The following MTFR1 variants were observed in gnomAD, a reference collection of about 807,000 sequenced individuals.
The protein encoded by MTFR1 is chondrocyte protein with a poly-proline region.
In MTFR1, 28 loss-of-function variants were observed where a neutral mutation model predicts 38.8. That is an observed-to-expected ratio of 0.72 (90% confidence interval 0.53 to 0.99). The LOEUF is 0.99. Ranked by LOEUF, MTFR1 falls within the 50% of genes least tolerant of loss-of-function variation. The pLI, the probability that MTFR1 is intolerant of heterozygous loss-of-function variation, is 0.00. For missense variants in MTFR1, 358 were observed against 395.5 expected, an observed-to-expected ratio of 0.91 and a Z score of 0.81; for synonymous variants, 145 against 137.0, an observed-to-expected ratio of 1.06 and a Z score of -0.41.
chr8:65,745,245 G>A (rs773784541), intron 3 of MTFR1, among the ~76,000 whole-genome samples: 4 of 152,120 alleles, frequency 2.6e-5, no homozygotes, highest in Admixed American at 6.5e-5. Flanking sequence ...ACCCAGTCTC[G>A]GGTATGTCTT....
At chr8:65,769,772 C>T (rs765885908) in intron 3 of MTFR1, among the ~76,000 whole-genome samples, 2 of 151,974 alleles carry the variant, frequency 1.3e-5, no homozygotes, top group African/African-American at 2.4e-5. Context: ...AGTGATTGCC[C>T]GTAATCCTTG....
intron 3 of MTFR1, among the ~76,000 whole-genome samples, chr8:65,770,442 A>C (rs1181228841): frequency 6.6e-6 from 1 of 152,210 alleles, no homozygotes; most frequent in Non-Finnish European, 1.5e-5. Flanking sequence ...AGATTTCGTG[A>C]GACTTATTCA....
At chr8:65,665,713 T>G (rs1248015565) in intron 1 of MTFR1, among the ~76,000 whole-genome samples, 3 of 152,226 alleles carry the variant, frequency 2.0e-5, no homozygotes, top group Non-Finnish European at 2.9e-5. Flanking sequence ...GACTCTTAAC[T>G]CCTGAGCTCA....
At chr8:65,763,837 C>T (rs977069621) in intron 3 of MTFR1, among the ~76,000 whole-genome samples, 78 of 152,278 alleles carry the variant, frequency 5.1e-4, no homozygotes, top group African/African-American at 1.9e-3. Context: ...CTTGCCAAAG[C>T]ACAAGTAAAA....
chr8:65,758,587 A>C (rs1040832311), intron 3 of MTFR1, among the ~76,000 whole-genome samples: 1 of 152,246 alleles, frequency 6.6e-6, no homozygotes. Flanking sequence ...GACGGTGAGT[A>C]AGCCAGCCCT....
chr8:65,724,240 A>G, intron 3 of MTFR1: 2 of 1,523,558 alleles, frequency 1.3e-6, no homozygotes, highest in South Asian at 1.1e-5. Flanking sequence ...ATTATCACTC[A>G]ATACTGTAAC....
chr8:65,691,121 C>A (rs1805263365), intron 3 of MTFR1, among the ~76,000 whole-genome samples: 1 of 152,152 alleles, frequency 6.6e-6, no homozygotes. Flanking sequence ...GTACAAAAAT[C>A]TTCCCTTTGA....
chr8:65,702,297 C>CTTTTTTTTT (rs530863447), intron 4 of MTFR1, among the ~76,000 whole-genome samples: 27 of 110,266 alleles, frequency 2.4e-4, no homozygotes, highest in Non-Finnish European at 3.5e-4. Context: ...TTCTTTCTTT[C>CTTTTTTTTT]TTTTTTTTTT....
rs1440319933 is a variant in MTFR1, at chr8:65,708,960, TTTTG to T, written c.934-8_934-5del. ...TTGAACCAATATCTTTATTTATACTTTTTGTTTGTTTCTAGTTTGGGCCACACAT... is the reference window on the plus strand; with the variant it reads ...TTGAACCAATATCTTTATTTATACTTTTTGTTTCTAGTTTGGGCCACACAT... On this transcript the variant is annotated splice_polypyrimidine_tract_variant and intron_variant, in intron 7 of 7. Coordinates refer to ENST00000262146, the MANE Select transcript of MTFR1 (RefSeq NM_014637.4). The T allele has an allele frequency of 1.2e-6, 2 of 1,612,608 alleles. No individual in the cohort carries two copies. Among genetic ancestry groups the T allele is most frequent in the South Asian group, 2.2e-5 (2 of 91,048 alleles).
intron 3 of MTFR1, among the ~76,000 whole-genome samples, chr8:65,765,077 T>C (rs531669403): frequency 1.4e-3 from 206 of 152,092 alleles, no homozygotes; most frequent in Non-Finnish European, 2.4e-3. Context: ...AATAAAAAGA[T>C]GAATAAAACT....
At chr8:65,752,504 T>A (rs1585872211) in intron 3 of MTFR1, among the ~76,000 whole-genome samples, 1 of 152,212 alleles carries the variant, frequency 6.6e-6, no homozygotes, top group East Asian at 1.9e-4. Flanking sequence ...GCATTGAAAC[T>A]TGCAAAATCT....
intron 1 of MTFR1, among the ~76,000 whole-genome samples, chr8:65,653,436 C>T (rs1025053867): frequency 7.2e-5 from 11 of 152,084 alleles, no homozygotes; most frequent in African/African-American, 2.2e-4. Flanking sequence ...CGCTTGACCC[C>T]GGGAGGTGGA....
intron 4 of MTFR1, among the ~76,000 whole-genome samples, chr8:65,699,489 C>T (rs777355923): frequency 7.9e-5 from 12 of 152,208 alleles, no homozygotes; most frequent in African/African-American, 1.9e-4. Flanking sequence ...TCTTTGCAAC[C>T]GCACCAGCAT....
chr8:65,754,897 G>A (rs1452669806), intron 3 of MTFR1, among the ~76,000 whole-genome samples: 11 of 150,134 alleles, frequency 7.3e-5, no homozygotes, highest in South Asian at 4.2e-4. Flanking sequence ...CCCGGGAGGC[G>A]GAGGTTGCAG....
At chr8:65,716,950 CTGAGA>C (rs961798564) in intron 2 of MTFR1, among the ~76,000 whole-genome samples, 1 of 152,098 alleles carries the variant, frequency 6.6e-6, no homozygotes, top group African/African-American at 2.4e-5. Context: ...TATTGGGTGC[CTGAGA>C]TATGACTAGT....
intron 1 of MTFR1, among the ~76,000 whole-genome samples, chr8:65,660,622 C>T (rs912472814): frequency 4.6e-5 from 7 of 152,300 alleles, no homozygotes; most frequent in Non-Finnish European, 7.4e-5. Context: ...AGCTTGCACA[C>T]GGCAGACTGT....
At chr8:65,693,017 A>C (rs891549209) in intron 3 of MTFR1, among the ~76,000 whole-genome samples, 10 of 151,526 alleles carry the variant, frequency 6.6e-5, no homozygotes, top group Admixed American at 4.0e-4. Flanking sequence ...CCCCCCGCCT[A>C]CACATACCTT....
intron 3 of MTFR1, among the ~76,000 whole-genome samples, chr8:65,755,321 C>T (rs756750886): frequency 2.0e-5 from 3 of 152,046 alleles, no homozygotes; most frequent in Non-Finnish European, 4.4e-5. Context: ...ATGCCCGGCC[C>T]ATTATTGCCT....
At chr8:65,652,940 G>A (rs1809160447) in intron 1 of MTFR1, among the ~76,000 whole-genome samples, 1 of 152,150 alleles carries the variant, frequency 6.6e-6, no homozygotes, top group Non-Finnish European at 1.5e-5. Context: ...TGGTGTCCAT[G>A]GGATTCCTGG....
Sources: gnomAD v4.1 joint callset for allele counts (sites outside exome capture counted in the v4.1 genomes callset) on GRCh38, gnomAD v4.1.1 for gene constraint, MANE v1.5 for transcripts, NCBI Gene and HGNC (gene_info 2026-07-23, HGNC 2026-07-21) for gene names.